TWSG1: variants seen among roughly 807,000 people sequenced by gnomAD.
The protein encoded by TWSG1 is twisted gastrulation protein homolog 1.
TWSG1 carries 15 observed loss-of-function variants against 23.0 expected under a neutral mutation model. The observed-to-expected ratio is 0.65, with a 90% confidence interval of 0.44 to 1.00. The LOEUF (loss-of-function observed/expected upper bound fraction) is 1.00, where lower values mean the gene tolerates loss of function less well. TWSG1 is among the 50% of genes least tolerant of loss of function. The pLI is 0.00. For synonymous variants in TWSG1, 86 were observed against 92.8 expected (o/e 0.93, Z 0.42); for missense variants, 242 against 278.7 (o/e 0.87, Z 0.94).
At chr18:9,353,676 T>C (rs1292149097) in intron 2 of TWSG1, among the ~76,000 whole-genome samples, 1 of 152,202 alleles carries the variant, frequency 6.6e-6, no homozygotes, top group Non-Finnish European at 1.5e-5. Context: ...GCAGTGGTGG[T>C]AGAAAAAGCC....
Position 9,396,275 on chromosome 18 carries a change from C to G in TWSG1, c.224-5C>G. ...CAAAATCTTATGATATTACCCCCAA[C>G]CCAGGTATGTGTAATCCTCGAAATT... On this transcript the variant is annotated splice_polypyrimidine_tract_variant and splice_region_variant and intron_variant, in intron 3 of 4. Coordinates refer to ENST00000262120, the MANE Select transcript of TWSG1 (RefSeq NM_020648.6). 1.2e-6 allele frequency: 2 copies of G among 1,613,332 alleles called. No homozygotes were observed. Among genetic ancestry groups the G allele is most frequent in the South Asian group, 1.1e-5 (1 of 91,018 alleles).
intron 2 of TWSG1, among the ~76,000 whole-genome samples, chr18:9,346,564 G>A (rs2040478317): frequency 6.6e-6 from 1 of 151,996 alleles, no homozygotes; most frequent in Admixed American, 6.6e-5. Context: ...GTCCCTTGAG[G>A]CTGAGAATTC....
chr18:9,342,138 A>G lies in TWSG1; in HGVS notation c.123+4786A>G, dbSNP rs115470550. ...ACATCTACATTCTGAGAGGCTGCATAGTATAATGGTTAAGCGTATGAACTC... is the reference window on the plus strand; with the variant it reads ...ACATCTACATTCTGAGAGGCTGCATGGTATAATGGTTAAGCGTATGAACTC... On this transcript the variant is annotated intron_variant, in intron 2 of 4. Coordinates refer to ENST00000262120, the MANE Select transcript of TWSG1 (RefSeq NM_020648.6). 5.5e-3 allele frequency among the ~76,000 whole-genome samples: 842 copies of G among 152,326 alleles called. 8 individuals carry two copies. The highest frequency in any genetic ancestry group is 0.019 in the African/African-American group (806 of 41,574).
At position 9,337,192 on chromosome 18, in the gene TWSG1, G is replaced by C. The variant is rs2040426892; in HGVS notation, c.-37-1G>C. ...AATTAAAGTTGTGTTTGTTTGTTTA[G>C]TTTCCTGGGAGTTACTGATCATCTT... On this transcript the variant is annotated splice_acceptor_variant, in intron 1 of 4. Transcript: ENST00000262120. LOFTEE classifies it low-confidence loss of function (5UTR_SPLICE). 2 of 1,603,240 alleles carry C rather than the reference G, an allele frequency of 1.2e-6. No individual in the cohort carries two copies. The highest frequency in any genetic ancestry group is 1.7e-6 in the Non-Finnish European group (2 of 1,178,128).
intron 2 of TWSG1, among the ~76,000 whole-genome samples, chr18:9,350,269 C>CATG (rs1225790585): frequency 2.6e-4 from 1 of 3,862 alleles, no homozygotes; most frequent in Non-Finnish European, 2.1e-3. Flanking sequence ...AGAAAGAATA[C>CATG]ATCGTTTCCC....
chr18:9,369,998 C>G (rs2040597107), intron 3 of TWSG1, among the ~76,000 whole-genome samples: 1 of 151,996 alleles, frequency 6.6e-6, no homozygotes, highest in African/African-American at 2.4e-5. Context: ...TGCTTTTGTT[C>G]CCTGTGCTTT....
Position 9,342,572 on chromosome 18 carries a change from CTTG to C in TWSG1, c.123+5222_123+5224del, listed in dbSNP as rs565852717. ...TGAGTTTCTAATTATCTTTCTTTACCTTGTATCATCAATCATTAGCACCTTATA... is the reference window on the plus strand; with the variant it reads ...TGAGTTTCTAATTATCTTTCTTTACCTATCATCAATCATTAGCACCTTATA... On this transcript the variant is annotated intron_variant, in intron 2 of 4. Coordinates refer to ENST00000262120, the MANE Select transcript of TWSG1 (RefSeq NM_020648.6). Among the ~76,000 whole-genome samples, 334 of 152,110 alleles carry C rather than the reference CTTG, an allele frequency of 2.2e-3. 2 individuals carry two copies. The Middle Eastern group carries it at 0.027, about 12-fold the overall frequency.
intron 2 of TWSG1, among the ~76,000 whole-genome samples, chr18:9,354,532 G>C (rs2040516133): frequency 6.6e-6 from 1 of 152,142 alleles, no homozygotes; most frequent in African/African-American, 2.4e-5. Flanking sequence ...TTCTGTTTAA[G>C]GAGTGGAGAC....
At chr18:9,348,620 A>G (rs1318642600) in intron 2 of TWSG1, among the ~76,000 whole-genome samples, 1 of 152,244 alleles carries the variant, frequency 6.6e-6, no homozygotes, top group Admixed American at 6.5e-5. Flanking sequence ...TGTTCTGCGA[A>G]GTACAGGGCA....
intron 3 of TWSG1, among the ~76,000 whole-genome samples, chr18:9,391,891 G>T (rs2040714744): frequency 6.6e-6 from 1 of 152,224 alleles, no homozygotes. Flanking sequence ...TACATTGTCA[G>T]TGAGCAGTAA....
intron 3 of TWSG1, among the ~76,000 whole-genome samples, chr18:9,393,307 C>T (rs2040720801): frequency 6.6e-6 from 1 of 152,218 alleles, no homozygotes; most frequent in African/African-American, 2.4e-5. Flanking sequence ...AAACAAGCTA[C>T]AACAAAACAT....
At chr18:9,351,382 T>C (rs527242978) in intron 2 of TWSG1, among the ~76,000 whole-genome samples, 1 of 152,176 alleles carries the variant, frequency 6.6e-6, no homozygotes, top group Non-Finnish European at 1.5e-5. Context: ...TTTTTAACAA[T>C]TTTATGGTAT....
At chr18:9,346,154 C>T (rs2040476566) in intron 2 of TWSG1, among the ~76,000 whole-genome samples, 1 of 151,868 alleles carries the variant, frequency 6.6e-6, no homozygotes, top group Non-Finnish European at 1.5e-5. Context: ...CTCCCTACCT[C>T]CCCCCAGTCC....
rs111893009 is a variant in TWSG1, at chr18:9,378,455, G to A, written c.224-17825G>A. ...AATCAATGTACAAAAAATCAGTAGC[G>A]CTTTTATACACTAACCAGCACCCAT... On this transcript the variant is annotated intron_variant, in intron 3 of 4. Coordinates refer to ENST00000262120, the MANE Select transcript of TWSG1 (RefSeq NM_020648.6). Among the ~76,000 whole-genome samples, 696 of 152,222 alleles carry A rather than the reference G, an allele frequency of 4.6e-3. 4 individuals are homozygous for A. The highest frequency in any genetic ancestry group is 0.021 in the South Asian group (101 of 4,820).
At chr18:9,335,050 C>T in intron 1 of TWSG1, 130 bp downstream of exon 1, 2 of 152,598 alleles carry the variant, frequency 1.3e-5, no homozygotes, top group Non-Finnish European at 1.5e-5. Context: ...GAAGCCTGGG[C>T]CCGGCTGCGC....
chr18:9,360,291 G>A (rs1174325163), intron 3 of TWSG1, among the ~76,000 whole-genome samples: 2 of 152,126 alleles, frequency 1.3e-5, no homozygotes, highest in Non-Finnish European at 2.9e-5. Context: ...TAGGAGTGGG[G>A]GGCCAAGGCA....
At chr18:9,374,103 C>G (rs1035832536) in intron 3 of TWSG1, among the ~76,000 whole-genome samples, 1 of 151,928 alleles carries the variant, frequency 6.6e-6, no homozygotes, top group Non-Finnish European at 1.5e-5. Context: ...GACAAAAGAT[C>G]TAAAAATCAG....
chr18:9,361,427 A>C (rs1272919747), intron 3 of TWSG1, among the ~76,000 whole-genome samples: 1 of 152,194 alleles, frequency 6.6e-6, no homozygotes, highest in Non-Finnish European at 1.5e-5. Flanking sequence ...TGTAGAATTT[A>C]GGTACTCCAA....
intron 3 of TWSG1, among the ~76,000 whole-genome samples, chr18:9,370,102 G>T (rs933603011): frequency 1.3e-5 from 2 of 152,088 alleles, no homozygotes; most frequent in Non-Finnish European, 2.9e-5. Context: ...GGCGGATCAT[G>T]AGGTCAAGAG....
Sources: allele counts gnomAD v4.1 joint callset (sites outside exome capture counted in the v4.1 genomes callset), GRCh38; gene constraint gnomAD v4.1.1; transcripts MANE v1.5; gene names NCBI Gene and HGNC (gene_info 2026-07-23, HGNC 2026-07-21).